DAPK2: variants seen among roughly 807,000 people sequenced by gnomAD.
The protein encoded by DAPK2 is death associated protein kinase 2.
In DAPK2, 35 loss-of-function variants were observed where a neutral mutation model predicts 44.1. The ratio of observed to expected loss-of-function variants is 0.79; its 90% CI spans 0.61 to 1.05. DAPK2 has a LOEUF of 1.05. Ranked by LOEUF, DAPK2 falls within the 50% of genes least tolerant of loss-of-function variation. DAPK2 has a pLI of 0.00. For missense variants in DAPK2, 453 were observed against 483.2 expected (o/e 0.94, Z 0.59); for synonymous variants, 174 against 182.6 (o/e 0.95, Z 0.38).
intron 3 of DAPK2, among the ~76,000 whole-genome samples, chr15:63,959,872 A>C (rs900771822): frequency 6.6e-6 from 1 of 152,202 alleles, no homozygotes; most frequent in African/African-American, 2.4e-5. Flanking sequence ...GCCTCATAAA[A>C]TGAATTAGGG....
chr15:64,040,897 G>GAACAAAA (rs2080338012), upstream of DAPK2, among the ~76,000 whole-genome samples: 1 of 83,424 alleles, frequency 1.2e-5, no homozygotes, highest in Non-Finnish European at 2.4e-5. Context: ...CTGGGCAACA[G>GAACAAAA]AAAAAAAAAA....
At chr15:63,934,251 T>TTA (rs2077067669) in intron 4 of DAPK2, among the ~76,000 whole-genome samples, 1 of 112,242 alleles carries the variant, frequency 8.9e-6, no homozygotes, top group Non-Finnish European at 1.7e-5. Flanking sequence ...TTATCCTAGT[T>TTA]TTTTTTTTTT....
chr15:63,941,137 G>A (rs1224653676), intron 3 of DAPK2, among the ~76,000 whole-genome samples: 1 of 152,152 alleles, frequency 6.6e-6, no homozygotes, highest in African/African-American at 2.4e-5. Flanking sequence ...TTGCACCTTT[G>A]TTCACACCAT....
chr15:63,971,648 TCCTGACCCC>T, intron 2 of DAPK2, 87 bp from the exon 4 acceptor site: 1 of 1,454,658 alleles, frequency 6.9e-7, no homozygotes, highest in Non-Finnish European at 9.3e-7. Flanking sequence ...CAAGCCCTCA[TCCTGACCCC>T]CCAGGGACCT....
intron 4 of DAPK2, among the ~76,000 whole-genome samples, chr15:63,930,813 C>A (rs141098144): frequency 0.02 from 3,074 of 152,238 alleles, 93 homozygotes; most frequent in African/African-American, 0.071. Flanking sequence ...AATCCCAGCA[C>A]TTTGGGAGGC....
intron 1 of DAPK2, among the ~76,000 whole-genome samples, chr15:64,009,544 C>T (rs1436794323): frequency 6.6e-6 from 1 of 152,086 alleles, no homozygotes; most frequent in East Asian, 1.9e-4. Flanking sequence ...TCATTTCCAC[C>T]TCTGGGTTTC....
chr15:64,045,254 T>C (rs1412679298), upstream of DAPK2, among the ~76,000 whole-genome samples: 3 of 152,114 alleles, frequency 2.0e-5, no homozygotes, highest in Non-Finnish European at 4.4e-5. Context: ...CCTCTGAAGG[T>C]GCTGAATCAT....
chr15:64,004,133 TTC>T (rs1035934421), intron 1 of DAPK2, among the ~76,000 whole-genome samples: 1 of 152,200 alleles, frequency 6.6e-6, no homozygotes, highest in Non-Finnish European at 1.5e-5. Flanking sequence ...CCCTCCATTT[TTC>T]TCTTTTTCTT....
chr15:63,910,454 G>A (rs540271730), intron 10 of DAPK2, among the ~76,000 whole-genome samples: 3 of 152,352 alleles, frequency 2.0e-5, no homozygotes, highest in East Asian at 1.9e-4. Flanking sequence ...CCTACACCAC[G>A]CTCCATAAGC....
chr15:63,936,238 G>A (rs2140427033), intron 4 of DAPK2, among the ~76,000 whole-genome samples: 1 of 152,288 alleles, frequency 6.6e-6, no homozygotes, highest in East Asian at 1.9e-4. Flanking sequence ...GCTGCTCACT[G>A]CTCTAGCTCT....
intron 3 of DAPK2, among the ~76,000 whole-genome samples, chr15:63,959,587 G>C (rs1215464453): frequency 1.3e-5 from 2 of 152,146 alleles, no homozygotes; most frequent in African/African-American, 4.8e-5. Context: ...TTTGTTGAGG[G>C]CCTTTTCTGC....
rs561202191 is a variant in DAPK2 at position 63,960,940 on chromosome 15, A to G, written c.453+10483T>C. On this transcript the variant is annotated intron_variant, in intron 3 of 10. Transcript: ENST00000261891. Reference sequence around the variant, plus strand: ...TCTTGTTGATCTGTCTAATGTTGACAGCGGGGTGTTAAATTCTCCCATTAT... The same window carrying G: ...TCTTGTTGATCTGTCTAATGTTGACGGCGGGGTGTTAAATTCTCCCATTAT... Among the ~76,000 whole-genome samples, 7 of 152,318 alleles carry G rather than the reference A, an allele frequency of 4.6e-5. No individual in the cohort carries two copies. In the South Asian group the frequency reaches 1.5e-3, roughly 32 times the overall value.
chr15:63,978,256 C>T (rs2078408942), intron 2 of DAPK2, among the ~76,000 whole-genome samples: 1 of 152,220 alleles, frequency 6.6e-6, no homozygotes, highest in Non-Finnish European at 1.5e-5. Flanking sequence ...ACACACAGAA[C>T]CCAGCTCCAC....
At chr15:63,963,653 G>A (rs1454300737) in intron 3 of DAPK2, among the ~76,000 whole-genome samples, 3 of 151,760 alleles carry the variant, frequency 2.0e-5, no homozygotes, top group Non-Finnish European at 4.4e-5. Context: ...CTTCCTTTTA[G>A]TGAAGGTAAT....
exon 2 of DAPK2, chr15:63,983,709 C>T (rs201925023): frequency 1.9e-6 from 3 of 1,613,324 alleles, no homozygotes; most frequent in East Asian, 2.2e-5. Flanking sequence ...CATACTCAAG[C>T]CCCGTGCTCT....
intron 2 of DAPK2, among the ~76,000 whole-genome samples, chr15:63,972,841 G>A (rs4776697): frequency 0.92 from 139,513 of 152,260 alleles, 64,123 homozygotes; most frequent in East Asian, 0.98. Flanking sequence ...TGTTTGGGAA[G>A]GAACAAAGGT....
chr15:63,922,320 G>C (rs1385617474), intron 8 of DAPK2: 1 of 998,870 alleles, frequency 1.0e-6, no homozygotes, highest in Non-Finnish European at 1.2e-6. Flanking sequence ...GCACCATGCT[G>C]ACTTAGTTAT....
intron 3 of DAPK2, among the ~76,000 whole-genome samples, chr15:63,963,632 G>A (rs111371166): frequency 0.049 from 7,371 of 151,768 alleles, 183 homozygotes; most frequent in South Asian, 0.093. Flanking sequence ...CCTTCTTTCC[G>A]TCCTTCCTGT....
At chr15:63,989,917 C>T (rs1186854807) in intron 1 of DAPK2, among the ~76,000 whole-genome samples, 1 of 152,168 alleles carries the variant, frequency 6.6e-6, no homozygotes, top group Non-Finnish European at 1.5e-5. Flanking sequence ...GTCTTGAACT[C>T]CTGGTCTCCA....
Sources: allele counts gnomAD v4.1 joint callset (sites outside exome capture counted in the v4.1 genomes callset), GRCh38; gene constraint gnomAD v4.1.1; transcripts MANE v1.5; gene names NCBI Gene and HGNC (gene_info 2026-07-23, HGNC 2026-07-21).